The following BABAM2 variants were observed in gnomAD, a reference collection of about 807,000 sequenced individuals.
The protein encoded by BABAM2 is BRISC and BRCA1 A complex member 2, also known as BRISC and BRCA1-A complex member 2.
A neutral mutation model predicts 54.7 loss-of-function variants in BABAM2; 31 were observed. The observed-to-expected ratio is 0.57, with a 90% confidence interval of 0.43 to 0.77. The LOEUF is 0.77. Among genes scored for constraint, BABAM2 ranks in the 30% least tolerant of loss-of-function variants. The pLI is 0.00. For synonymous variants in BABAM2, 167 were observed against 162.9 expected, an observed-to-expected ratio of 1.03 and a Z score of -0.19; for missense variants, 364 against 455.8, an observed-to-expected ratio of 0.80 and a Z score of 1.83.
At chr2:27,996,033 T>A (rs1447874338) in intron 4 of BABAM2, among the ~76,000 whole-genome samples, 1 of 152,234 alleles carries the variant, frequency 6.6e-6, no homozygotes, top group Non-Finnish European at 1.5e-5. Context: ...TGTATTTGTT[T>A]TCCAGTCCAT....
chr2:28,024,859 G>T (rs925540995), intron 4 of BABAM2, among the ~76,000 whole-genome samples: 2 of 152,096 alleles, frequency 1.3e-5, no homozygotes, highest in Non-Finnish European at 2.9e-5. Flanking sequence ...TTTAGGTAGA[G>T]ATCAAAAAAA....
intron 4 of BABAM2, among the ~76,000 whole-genome samples, chr2:27,991,441 G>A (rs1672769109): frequency 6.6e-6 from 1 of 152,172 alleles, no homozygotes; most frequent in Non-Finnish European, 1.5e-5. Flanking sequence ...TAATTCAGTT[G>A]TTTTTAGTAT....
chr2:28,298,380 C>A lies in BABAM2; in HGVS notation c.977C>A (p.Thr326Lys), dbSNP rs1313725566. 1 of 1,614,184 alleles carries A rather than the reference C, an allele frequency of 6.2e-7. No homozygotes were observed. Among genetic ancestry groups the A allele is most frequent in the South Asian group, 1.1e-5 (1 of 91,076 alleles). Residue 326 changes from threonine (T) to lysine (K), a missense_variant, in exon 11 of 12, where the codon ACA becomes AAA. Thr to Lys is a moderately conservative substitution (Grantham distance 78). Coordinates refer to ENST00000379624, the MANE Select transcript of BABAM2 (RefSeq NM_199191.3). Reference sequence around the variant, plus strand: ...TTCCCTCGAGACCAGCCAACTCTCACATTTCAGTCCGTTTATCACTTTACC... The same window carrying A: ...TTCCCTCGAGACCAGCCAACTCTCAAATTTCAGTCCGTTTATCACTTTACC... Reference protein sequence around the residue: ...LFFPRDQPTLTFQSVYHFTNS... With the variant: ...LFFPRDQPTLKFQSVYHFTNS...
At chr2:28,087,185 G>A (rs1665724713) in intron 6 of BABAM2, among the ~76,000 whole-genome samples, 1 of 152,146 alleles carries the variant, frequency 6.6e-6, no homozygotes, top group South Asian at 2.1e-4. Flanking sequence ...CATATCTGGG[G>A]ATGGATGTGG....
intron 3 of BABAM2, among the ~76,000 whole-genome samples, chr2:27,942,604 G>A (rs1398230648): frequency 6.6e-6 from 1 of 151,040 alleles, no homozygotes; most frequent in Non-Finnish European, 1.5e-5. Context: ...CTGGGCTCAA[G>A]CAGTCCATCT....
chr2:27,911,376 C>A (rs1415418497), intron 2 of BABAM2, among the ~76,000 whole-genome samples: 1 of 151,820 alleles, frequency 6.6e-6, no homozygotes, highest in Non-Finnish European at 1.5e-5. Context: ...TTTTAAAATT[C>A]TTTCAGTTCC....
At chr2:28,327,265 C>A in intron 11 of BABAM2, 1 of 1,597,138 alleles carries the variant, frequency 6.3e-7, no homozygotes, top group South Asian at 1.1e-5. Flanking sequence ...TTCTCATCTG[C>A]TGCACCAGGG....
At chr2:28,075,353 C>A (rs1300037921) in intron 6 of BABAM2, among the ~76,000 whole-genome samples, 1 of 152,108 alleles carries the variant, frequency 6.6e-6, no homozygotes, top group Non-Finnish European at 1.5e-5. Context: ...AGGCTCCTAA[C>A]AAATTAGTAA....
At chr2:27,985,137 T>G (rs1672313690) in intron 3 of BABAM2, among the ~76,000 whole-genome samples, 1 of 151,252 alleles carries the variant, frequency 6.6e-6, no homozygotes, top group South Asian at 2.1e-4. Context: ...CTGATGGGCA[T>G]TTGGGCTGGT....
At chr2:27,937,804 C>T (rs997652426) in intron 3 of BABAM2, among the ~76,000 whole-genome samples, 3 of 152,088 alleles carry the variant, frequency 2.0e-5, no homozygotes, top group African/African-American at 7.2e-5. Flanking sequence ...GCAGAAGCTT[C>T]TTAGTTTGAT....
rs147119445 is a variant in BABAM2, at chr2:27,930,245, T to C, written c.205+337T>C. The C allele has an allele frequency of 6.2e-4, 124 of 201,468 alleles. 1 individual carries two copies. The highest frequency in any genetic ancestry group is 2.7e-3 in the African/African-American group (113 of 42,278). The allele number at this position is 201,468 out of a possible 1,614,324, so 12.5% of individuals were successfully genotyped here. A position where few individuals can be genotyped will look rare whatever the true frequency, so the allele number is the denominator to read the frequency against. On this transcript the variant is annotated intron_variant, in intron 3 of 11. Coordinates refer to ENST00000379624, the MANE Select transcript of BABAM2 (RefSeq NM_199191.3). ...ATACCTGGCCATTTCGAAACAGTTT[T>C]TAGGTAGGAGTGGCTGCTGTCCATC... is the stretch of plus-strand genomic sequence containing the variant.
At chr2:28,309,863 T>C (rs1197207810) in intron 11 of BABAM2, 1 of 522,954 alleles carries the variant, frequency 1.9e-6, no homozygotes, top group Non-Finnish European at 3.4e-6. Flanking sequence ...GACAATAAAG[T>C]CAGTGCTGGT....
Position 28,076,458 on chromosome 2 carries a change from ATATTTATT to A in BABAM2, c.570+30678_570+30685del, listed in dbSNP as rs1005529042. On this transcript the variant is annotated intron_variant, in intron 6 of 11. Transcript: ENST00000379624. ...GATAACCATTGAAAATTTTTATTTTATATTTATTTATTTATTTATTTATTTAGTTAGTT... is the reference window on the plus strand; with the variant it reads ...GATAACCATTGAAAATTTTTATTTTATATTTATTTATTTATTTAGTTAGTT... Among the ~76,000 whole-genome samples, 17 of 140,230 alleles carry A rather than the reference ATATTTATT, an allele frequency of 1.2e-4. No individual in the cohort carries two copies. In the South Asian group the frequency reaches 1.9e-3, roughly 16 times the overall value. 92.0% of individuals were successfully genotyped at this position (140,230 alleles called of 152,430 possible). A position where few individuals can be genotyped will look rare whatever the true frequency, so the allele number is the denominator to read the frequency against.
At chr2:28,214,797 A>G (rs1679783996) in intron 7 of BABAM2, among the ~76,000 whole-genome samples, 1 of 150,924 alleles carries the variant, frequency 6.6e-6, no homozygotes, top group Non-Finnish European at 1.5e-5. Context: ...TTTTTTAATC[A>G]CAAATTGTGT....
At chr2:28,179,867 T>G (rs749088390) in intron 7 of BABAM2, among the ~76,000 whole-genome samples, 1 of 151,934 alleles carries the variant, frequency 6.6e-6, no homozygotes, top group Non-Finnish European at 1.5e-5. Flanking sequence ...ACAATCTCAT[T>G]TATAATCACT....
At position 28,129,927 on chromosome 2, in the gene BABAM2, G is replaced by T. The variant is rs1476127981; in HGVS notation, c.680+547G>T. On this transcript the variant is annotated intron_variant, in intron 7 of 11. Coordinates refer to ENST00000379624, the MANE Select transcript of BABAM2 (RefSeq NM_199191.3). ...TCAGGCTACATGGCAGAAGTAGTTT[G>T]ATATCGCATTTGTGTTATAACCAAG... Among the ~76,000 whole-genome samples, 3 of 152,206 alleles carry T rather than the reference G, an allele frequency of 2.0e-5. No individual in the cohort carries two copies. The East Asian group carries it at 5.8e-4, about 29-fold the overall frequency.
At chr2:27,999,576 T>A (rs1395838723) in intron 4 of BABAM2, among the ~76,000 whole-genome samples, 1 of 152,210 alleles carries the variant, frequency 6.6e-6, no homozygotes, top group Admixed American at 6.5e-5. Context: ...TTTAAAAAAC[T>A]TCCACAGCCT....
Position 28,105,432 on chromosome 2 carries a change from A to G in BABAM2, c.571-23839A>G, listed in dbSNP as rs368696155. ...TGCCTCATTCATCTTTGTCTCTCCC[A>G]CAATGAAGAGCGTGGTGCCATGGAC... On this transcript the variant is annotated intron_variant, in intron 6 of 11. Transcript: ENST00000379624. Among the ~76,000 whole-genome samples, 25 of 152,342 alleles carry G rather than the reference A, an allele frequency of 1.6e-4. No individual in the cohort carries two copies. In the South Asian group the frequency reaches 5.2e-3, roughly 32 times the overall value.
chr2:28,026,930 ATATATATAAATATATATT>A (rs1246251922), intron 5 of BABAM2, among the ~76,000 whole-genome samples: 643 of 10,552 alleles, frequency 0.061, 12 homozygotes, highest in Non-Finnish European at 0.21. Flanking sequence ...ATATATAAAT[ATATATATAAATATATATT>A]AATATATATA....
Sources: gnomAD v4.1 joint callset for allele counts (sites outside exome capture counted in the v4.1 genomes callset) on GRCh38, gnomAD v4.1.1 for gene constraint, MANE v1.5 for transcripts, NCBI Gene and HGNC (gene_info 2026-07-23, HGNC 2026-07-21) for gene names.